NELFE: variants seen among roughly 807,000 people sequenced by gnomAD.
The protein encoded by NELFE is negative elongation factor complex member E.
NELFE carries 26 observed loss-of-function variants against 55.5 expected under a neutral mutation model. The observed-to-expected ratio is 0.47, with a 90% CI of 0.34 to 0.65. The LOEUF (loss-of-function observed/expected upper bound fraction) is 0.65. Ranked by LOEUF, NELFE falls within the 30% of genes least tolerant of loss-of-function variation. The pLI is 0.01. For missense variants in NELFE, 403 were observed against 506.9 expected (o/e 0.80, Z 1.97); for synonymous variants, 162 against 178.0 (o/e 0.91, Z 0.72).
In NELFE at chr6:31,958,408, C is replaced by G. The variant is rs756330610; in HGVS notation, c.39G>C (p.Glu13Asp). The change falls in exon 2 of 11, where the codon GAG (glutamate) becomes GAC (aspartate). Residue 13 changes from glutamate (E) to aspartate (D), a missense_variant. Around this residue, in one of 3 missense-constraint regions of NELFE, gnomAD observed 97 missense variants for 155.3 expected, o/e 0.62. Transcript: ENST00000375429. ...VIPPGLSEEE[E>D]ALQKKFNKLK... is the part of the protein sequence containing the mutation. ...GCTTGTTGAATTTCTTCTGCAGAGC[C>G]TCCTCTTCCTCGCTCAGTCCGGGGG... The G allele has an allele frequency of 1.9e-6, 3 of 1,613,002 alleles. No individual in the cohort carries two copies. Among genetic ancestry groups the G allele is most frequent in the Non-Finnish European group, 2.5e-6 (3 of 1,180,048 alleles).
Position 31,956,703 on chromosome 6 carries a change from C to A in NELFE, c.281G>T (p.Gly94Val), listed in dbSNP as rs2151797307. ...SGFKRSRTLE[G>V]KLKDPEKGPV... ...TCTGCTTGTGCTCACCTTTAACTTC[C>A]CCTCAAGGGTTCGAGAACGCTTGAA... Residue 94 changes from glycine (G) to valine (V), a missense_variant, in exon 4 of 11, where the codon GGG (glycine) becomes GTG (valine). Around this residue, in one of 3 missense-constraint regions of NELFE, gnomAD observed 97 missense variants for 155.3 expected, o/e 0.62. Coordinates refer to ENST00000375429, the MANE Select transcript of NELFE (RefSeq NM_002904.6). 1 of 1,604,606 alleles carries A rather than the reference C, an allele frequency of 6.2e-7. No individual in the cohort carries two copies. The highest frequency in any genetic ancestry group is 1.1e-5 in the South Asian group (1 of 90,916).
At chr6:31,956,873 C>A (rs201539935) in intron 3 of NELFE, 35 bp from the exon 4 acceptor site, 3 of 1,612,878 alleles carry the variant, frequency 1.9e-6, no homozygotes, top group Non-Finnish European at 8.5e-7. Flanking sequence ...TTATGTTGGC[C>A]AAGCCATGAT....
rs1772208372 is a variant in NELFE at position 31,958,189 on chromosome 6, A to T, written c.75+183T>A. 3 of 621,892 alleles carry T rather than the reference A, an allele frequency of 4.8e-6. No individual in the cohort carries two copies. The Admixed American group carries it at 8.3e-5, about 17-fold the overall frequency. 38.5% of individuals were successfully genotyped at this position (621,892 alleles called of 1,614,324 possible). A position where few individuals can be genotyped will look rare whatever the true frequency, so the allele number is the denominator to read the frequency against. Reference sequence around the variant, plus strand: ...AGGAAGACAATCCATGGCAAATTGCATAGAAAAGACAGAAGGTCCACACCA... The same window carrying T: ...AGGAAGACAATCCATGGCAAATTGCTTAGAAAAGACAGAAGGTCCACACCA... On this transcript the variant is annotated intron_variant, in intron 2 of 10. Transcript: ENST00000375429.
intron 2 of NELFE, among the ~76,000 whole-genome samples, chr6:31,957,856 C>T (rs1772185758): frequency 6.6e-6 from 1 of 152,038 alleles, no homozygotes; most frequent in African/African-American, 2.4e-5. Flanking sequence ...TTACAATGGC[C>T]CACATGAATG....
chr6:31,957,062 G>A, intron 2 of NELFE, 52 bp from the exon 3 acceptor site: 2 of 1,526,288 alleles, frequency 1.3e-6, no homozygotes, highest in Middle Eastern at 3.5e-4. Context: ...CCCCTAGCCG[G>A]TTCCTCTCCT....
intron 4 of NELFE, among the ~76,000 whole-genome samples, chr6:31,955,630 T>TA (rs1435966820): frequency 6.6e-6 from 1 of 151,028 alleles, no homozygotes; most frequent in East Asian, 1.9e-4. Flanking sequence ...TGTATTTTTT[T>TA]TTTTTTTTGT....
chr6:31,954,567 C>A lies in NELFE; in HGVS notation c.730G>T (p.Gly244Cys). The A allele has an allele frequency of 1.2e-6, 2 of 1,607,206 alleles. No individual in the cohort carries two copies. Among genetic ancestry groups the A allele is most frequent in the Non-Finnish European group, 1.7e-6 (2 of 1,176,218 alleles). Residue 244 changes from glycine (G) to cysteine (C), a missense_variant, in exon 7 of 11, where the codon GGT becomes TGT. This residue lies in a region of NELFE where 229 missense variants were observed against 228.3 expected (regional missense o/e 1.00). Transcript: ENST00000375429. This position sits in a 1 kb window ranked among gnomAD's most constrained non-coding sequence, Gnocchi z 5.5. Reference sequence around the variant, plus strand: ...CAAAATCACTCACTGCGGAAAGGACCCTCTCGGTCTCGGTCTCGATCCCGC... The same window carrying A: ...CAAAATCACTCACTGCGGAAAGGACACTCTCGGTCTCGGTCTCGATCCCGC... ...RERDRDRDRE[G>C]PFRRSDSFPE...
chr6:31,953,674 C>G, intron 10 of NELFE, 55 bp downstream of exon 10: 1 of 1,461,642 alleles, frequency 6.8e-7, no homozygotes, highest in Non-Finnish European at 9.6e-7. Flanking sequence ...TGTGGGGGAA[C>G]CAAAAGGAAT....
At chr6:31,957,202 A>G in intron 2 of NELFE, 192 bp from the exon 3 acceptor site, 1 of 625,048 alleles carries the variant, frequency 1.6e-6, no homozygotes, top group Admixed American at 2.9e-5. Context: ...AATCTAACCA[A>G]ACCACGGAAC....
At position 31,955,043 on chromosome 6, in the gene NELFE, A is replaced by C. The variant is rs1457768457; in HGVS notation, c.404+16T>G. The stretch of plus-strand genomic sequence containing the variant: ...AACTCCACCAAATGGGCCCAGCCTT[A>C]TCTCTACTCTCTAACCTCTCATACA... On this transcript the variant is annotated intron_variant, in intron 6 of 10. Coordinates refer to ENST00000375429, the MANE Select transcript of NELFE (RefSeq NM_002904.6). 6.2e-7 allele frequency: 1 copy of C among 1,613,172 alleles called. No homozygotes were observed. The highest frequency in any genetic ancestry group is 1.3e-5 in the African/African-American group (1 of 74,940).
intron 5 of NELFE, 24 bp downstream of exon 5, chr6:31,955,195 G>A: frequency 6.2e-7 from 1 of 1,611,548 alleles, no homozygotes. Flanking sequence ...CAACCCCTCA[G>A]GGACAGAAAT....
rs973897336 is a variant in NELFE at position 31,954,406 on chromosome 6, T to C, written c.779A>G (p.Lys260Arg). The stretch of plus-strand genomic sequence containing the variant: ...TCCATATACATAGAGAGTATTCCCT[T>C]TCCTAGGGGCTCGCCGTTCAGGGAA... ...DSFPERRAPR[K>R]GNTLYVYGED... is the part of the protein sequence containing the mutation. Residue 260 changes from lysine to arginine, a missense_variant, in exon 8 of 11, where the codon AAA becomes AGA. Physicochemically the swap from Lys to Arg is conservative, Grantham distance 26 (BLOSUM62 2). Around this residue, in one of 3 missense-constraint regions of NELFE, gnomAD observed 229 missense variants for 228.3 expected, o/e 1.00. Transcript: ENST00000375429. The surrounding 1 kb of genome is among the most constrained non-coding windows in gnomAD (Gnocchi z 5.5). 47 of 1,609,984 alleles carry C rather than the reference T, an allele frequency of 2.9e-5. No homozygotes were observed. Among genetic ancestry groups the C allele is most frequent in the Non-Finnish European group, 4.0e-5 (47 of 1,178,064 alleles).
Position 31,954,294 on chromosome 6 carries a change from T to C in NELFE, c.887+4A>G. The stretch of plus-strand genomic sequence containing the variant: ...TTCTCATCATGCCCTGTTGTCATCC[T>C]TACTTTCTGGGTGGGTCCATGGAGA... On this transcript the variant is annotated splice_donor_region_variant and intron_variant, in intron 8 of 10. Transcript: ENST00000375429. This position sits in a 1 kb window ranked among gnomAD's most constrained non-coding sequence, Gnocchi z 5.5. The C allele has an allele frequency of 6.2e-7, 1 of 1,608,880 alleles. No individual in the cohort carries two copies. The highest frequency in any genetic ancestry group is 8.5e-7 in the Non-Finnish European group (1 of 1,177,550).
Position 31,958,949 on chromosome 6 carries a change from G to A in NELFE, c.-66C>T. 1.7e-6 allele frequency: 1 copy of A among 599,882 alleles called. No homozygotes were observed. The highest frequency in any genetic ancestry group is 2.9e-6 in the Non-Finnish European group (1 of 339,616). 37.2% of individuals were successfully genotyped at this position (599,882 alleles called of 1,614,324 possible). ...TCCGGCCGCGCCCGCGCTGGCCGCT[G>A]ATAGCGGGCTCACAACGATGACGTA... On this transcript the variant is annotated 5_prime_UTR_variant, in exon 1 of 11. Transcript: ENST00000375429.
chr6:31,957,386 G>A (rs1369495283), intron 2 of NELFE: 1 of 501,330 alleles, frequency 2.0e-6, no homozygotes, highest in Non-Finnish European at 3.9e-6. Context: ...TTCGTAACAG[G>A]GATATCCAGG....
chr6:31,957,068 C>T, intron 2 of NELFE, 58 bp from the exon 3 acceptor site: 1 of 1,480,998 alleles, frequency 6.8e-7, no homozygotes, highest in Non-Finnish European at 9.2e-7. Flanking sequence ...GCCGGTTCCT[C>T]TCCTAAGGCC....
At chr6:31,956,883 T>C (rs1317281752) in intron 3 of NELFE, 45 bp from the exon 4 acceptor site, 4 of 1,612,960 alleles carry the variant, frequency 2.5e-6, no homozygotes, top group Non-Finnish European at 8.5e-7. Flanking sequence ...CAAGCCATGA[T>C]GAAGGTCAGC....
At chr6:31,957,325 G>A in intron 2 of NELFE, 1 of 584,534 alleles carries the variant, frequency 1.7e-6, no homozygotes, top group South Asian at 1.6e-5. Context: ...TGCCTTTCCT[G>A]GAAGCTTCAT....
Position 31,957,882 on chromosome 6 carries a change from TC to T in NELFE, c.75+489del, listed in dbSNP as rs765249139. ...CACATGAATGTCAATAAAGCCCTGC[TC>T]GGGGGAATGCACAGTGAAGAATAAA... On this transcript the variant is annotated intron_variant, in intron 2 of 10. Coordinates refer to ENST00000375429, the MANE Select transcript of NELFE (RefSeq NM_002904.6). Among the ~76,000 whole-genome samples, 35 of 152,284 alleles carry T rather than the reference TC, an allele frequency of 2.3e-4. 1 individual carries two copies. Among genetic ancestry groups the T allele is most frequent in the East Asian group, 2.1e-3 (11 of 5,194 alleles).
Sources: allele counts gnomAD v4.1 joint callset (sites outside exome capture counted in the v4.1 genomes callset), GRCh38; gene constraint gnomAD v4.1.1; regional missense constraint gnomAD v4.1.1; non-coding constraint Gnocchi (gnomAD v3.1); transcripts MANE v1.5; gene names NCBI Gene and HGNC (gene_info 2026-07-23, HGNC 2026-07-21).